The following KLB variants were observed in gnomAD, a reference collection of about 807,000 sequenced individuals.
KLB encodes klotho beta.
In KLB, 44 loss-of-function variants were observed where a neutral mutation model predicts 88.4. The observed-to-expected ratio is 0.50, with a 90% CI of 0.39 to 0.64. The LOEUF is 0.64. Among genes scored for constraint, KLB ranks in the 30% least tolerant of loss-of-function variants. The pLI, the probability that KLB is intolerant of heterozygous loss-of-function variation, is 0.00. For missense variants in KLB, 1,137 were observed against 1,304.8 expected (o/e 0.87, Z 1.98); for synonymous variants, 548 against 513.4 (o/e 1.07, Z -0.91).
At chr4:39,435,319 T>C (rs1030449804) in intron 2 of KLB, among the ~76,000 whole-genome samples, 8 of 151,182 alleles carry the variant, frequency 5.3e-5, no homozygotes, top group Non-Finnish European at 1.0e-4. Context: ...AGTTACATCA[T>C]GTTGGCCAGG....
intron 4 of KLB, 135 bp downstream of exon 4, chr4:39,447,610 T>A: frequency 1.4e-6 from 1 of 696,562 alleles, no homozygotes; most frequent in East Asian, 3.0e-5. Context: ...TTGAATTTTG[T>A]CCTGAAAACT....
chr4:39,447,089 A>G lies in KLB; in HGVS notation c.2363A>G (p.Glu788Gly). The G allele has an allele frequency of 6.2e-7, 1 of 1,613,190 alleles. No individual in the cohort carries two copies. Among genetic ancestry groups the G allele is most frequent in the Non-Finnish European group, 8.5e-7 (1 of 1,179,964 alleles). ...GGGGACTACCCCGCGGCCATGAGGG[A>G]ATACATTGCCTCCAAGCACCGACGG... is the stretch of plus-strand genomic sequence containing the variant. ...KTGDYPAAMR[E>G]YIASKHRRGL... is the part of the protein sequence containing the mutation. Residue 788 changes from glutamate (E) to glycine (G), a missense_variant, in exon 4 of 5, where the codon GAA becomes GGA. Glu to Gly is a moderately conservative substitution (Grantham distance 98). Coordinates refer to ENST00000257408, the MANE Select transcript of KLB (RefSeq NM_175737.4).
At chr4:39,417,901 C>T (rs768103579) in intron 1 of KLB, among the ~76,000 whole-genome samples, 13 of 152,090 alleles carry the variant, frequency 8.5e-5, no homozygotes, top group Non-Finnish European at 1.3e-4. Context: ...AGTATCAAAG[C>T]CAAAATTAAA....
At chr4:39,412,133 G>A in intron 1 of KLB, among the ~76,000 whole-genome samples, 1 of 151,952 alleles carries the variant, frequency 6.6e-6, no homozygotes, top group Non-Finnish European at 1.5e-5. Context: ...CTCTGGTGAT[G>A]AGTACACTAA....
At chr4:39,408,955 A>AT (rs61167441) in intron 1 of KLB, among the ~76,000 whole-genome samples, 1 of 109,128 alleles carries the variant, frequency 9.2e-6, no homozygotes, top group Non-Finnish European at 2.2e-5. Context: ...GTAGAAAAAA[A>AT]ATACAGCAAC....
At chr4:39,429,969 AG>A (rs1373384188) in intron 1 of KLB, among the ~76,000 whole-genome samples, 8 of 152,208 alleles carry the variant, frequency 5.3e-5, no homozygotes, top group African/African-American at 1.9e-4. Context: ...ATAGCAGCAA[AG>A]GTGAAAGAGA....
At chr4:39,420,461 G>A (rs1743058959) in intron 1 of KLB, among the ~76,000 whole-genome samples, 1 of 152,168 alleles carries the variant, frequency 6.6e-6, no homozygotes, top group Non-Finnish European at 1.5e-5. Flanking sequence ...GAAGTCGGGG[G>A]AAGCTGAAGA....
At chr4:39,409,193 T>A (rs1373870726) in intron 1 of KLB, among the ~76,000 whole-genome samples, 1 of 152,008 alleles carries the variant, frequency 6.6e-6, no homozygotes, top group African/African-American at 2.4e-5. Flanking sequence ...TTTGACAAAA[T>A]AAGACCTTAA....
At position 39,448,616 on chromosome 4, in the gene KLB, G is replaced by A. The variant is rs1182309219; in HGVS notation, c.3065G>A (p.Arg1022Lys). Reference protein sequence around the residue: ...LSIAIFQRQKRRKFWKAKNLQ... With the variant: ...LSIAIFQRQKKRKFWKAKNLQ... Reference sequence around the variant, plus strand: ...ATTGCCATTTTTCAAAGGCAGAAGAGAAGAAAGTTTTGGAAAGCAAAAAAC... The same window carrying A: ...ATTGCCATTTTTCAAAGGCAGAAGAAAAGAAAGTTTTGGAAAGCAAAAAAC... The change falls in exon 5 of 5, where the codon AGA becomes AAA. Residue 1022 changes from arginine to lysine, a missense_variant. Physicochemically the swap from Arg to Lys is conservative, Grantham distance 26 (BLOSUM62 2). Transcript: ENST00000257408. The A allele has an allele frequency of 1.9e-6, 3 of 1,614,052 alleles. No individual in the cohort carries two copies. The highest frequency in any genetic ancestry group is 1.1e-5 in the South Asian group (1 of 91,078).
chr4:39,442,435 C>CCTTT (rs1553932154), intron 3 of KLB, among the ~76,000 whole-genome samples: 1 of 138,496 alleles, frequency 7.2e-6, no homozygotes, highest in African/African-American at 2.7e-5. Flanking sequence ...CCTCTCTCCC[C>CCTTT]TTTTTTTTTT....
chr4:39,414,667 G>C (rs1004107465), intron 1 of KLB, among the ~76,000 whole-genome samples: 1 of 151,612 alleles, frequency 6.6e-6, no homozygotes, highest in African/African-American at 2.4e-5. Context: ...TCAGGAGTTC[G>C]AGACCAGCCT....
At position 39,446,909 on chromosome 4, in the gene KLB, G is replaced by T; in HGVS notation, c.2183G>T (p.Arg728Leu). ...GCCCTGGCCTGGCGCCTCTACGACC[G>T]GCAGTTCAGGCCCTCACAGCGCGGG... The part of the protein sequence containing the change: ...AHALAWRLYD[R>L]QFRPSQRGAV... The change falls in exon 4 of 5, where the codon CGG (arginine) becomes CTG (leucine). Residue 728 changes from arginine (R) to leucine (L), a missense_variant. Transcript: ENST00000257408. The surrounding 1 kb of genome is among the most constrained non-coding windows in gnomAD (Gnocchi z 6.4). 1 of 1,605,526 alleles carries T rather than the reference G, an allele frequency of 6.2e-7. No homozygotes were observed.
Position 39,425,986 on chromosome 4 carries a change from C to T in KLB, c.826-8224C>T, listed in dbSNP as rs113333280. 1.7e-3 allele frequency among the ~76,000 whole-genome samples: 256 copies of T among 151,994 alleles called. 1 individual carries two copies. Among genetic ancestry groups the T allele is most frequent in the African/African-American group, 5.9e-3 (246 of 41,464 alleles). On this transcript the variant is annotated intron_variant, in intron 1 of 4. Transcript: ENST00000257408. ...CACAAAAACTAGGCCGGGCGCTTGG[C>T]TCACACCTGTAATCCCAGCACTTTG...
chr4:39,420,305 T>C (rs1180512536), intron 1 of KLB, among the ~76,000 whole-genome samples: 2 of 152,206 alleles, frequency 1.3e-5, no homozygotes, highest in African/African-American at 2.4e-5. Flanking sequence ...TTCTTTCATG[T>C]TAATCATGTA....
chr4:39,447,004 G>T lies in KLB; in HGVS notation c.2278G>T (p.Ala760Ser). 6.2e-7 allele frequency: 1 copy of T among 1,610,208 alleles called. No homozygotes were observed. ...CCCCTATGCTGACTCGCACTGGAGG[G>T]CGGCCGAGCGCTTCCTGCAGTTCGA... ...ANPYADSHWR[A>S]AERFLQFEIA... Residue 760 changes from alanine (A) to serine (S), a missense_variant, in exon 4 of 5, where the codon GCG becomes TCG. Ala to Ser is a moderately conservative substitution (Grantham distance 99). This residue lies in a region of KLB where 426 missense variants were observed against 404.6 expected (regional missense o/e 1.05). Coordinates refer to ENST00000257408, the MANE Select transcript of KLB (RefSeq NM_175737.4).
At chr4:39,430,831 A>G (rs1007556564) in intron 1 of KLB, among the ~76,000 whole-genome samples, 1 of 151,574 alleles carries the variant, frequency 6.6e-6, no homozygotes. Context: ...TCTCAAATCA[A>G]ACTCCTGACC....
At chr4:39,417,301 G>T (rs1341950855) in intron 1 of KLB, among the ~76,000 whole-genome samples, 1 of 150,196 alleles carries the variant, frequency 6.7e-6, no homozygotes, top group South Asian at 2.1e-4. Flanking sequence ...CAAAAAAGTG[G>T]TTTTTTGTTT....
chr4:39,437,936 G>T lies in KLB; in HGVS notation c.1546G>T (p.Asp516Tyr), dbSNP rs780447012. 1 of 1,614,092 alleles carries T rather than the reference G, an allele frequency of 6.2e-7. No individual in the cohort carries two copies. The highest frequency in any genetic ancestry group is 2.2e-5 in the East Asian group (1 of 44,900). ...TTTTTCTTTAAAAGAGTCCACGCCA[G>T]ATGTGCAGGGCCAGTTTCCCTGTGA... ...NGFSLKESTP[D>Y]VQGQFPCDFS... Residue 516 changes from aspartate (D) to tyrosine (Y), a missense_variant, in exon 3 of 5, where the codon GAT becomes TAT. Around this residue, in one of 4 missense-constraint regions of KLB, gnomAD observed 597 missense variants for 765.2 expected, o/e 0.78. Transcript: ENST00000257408.
At chr4:39,443,761 A>C (rs77906804) in intron 3 of KLB, among the ~76,000 whole-genome samples, 1 of 112,886 alleles carries the variant, frequency 8.9e-6, no homozygotes. Flanking sequence ...ACTTTGTCAA[A>C]AAAAAAAAAA....
Sources: gnomAD v4.1 joint callset for allele counts (sites outside exome capture counted in the v4.1 genomes callset) on GRCh38, gnomAD v4.1.1 for gene constraint, gnomAD v4.1.1 regional missense constraint, Gnocchi (gnomAD v3.1) non-coding constraint, MANE v1.5 for transcripts, NCBI Gene and HGNC (gene_info 2026-07-23, HGNC 2026-07-21) for gene names.